TMEM119: variants seen among roughly 807,000 people sequenced by gnomAD.
The protein encoded by TMEM119 is osteoblast induction factor.
For missense variants in TMEM119, 410 were observed against 381.0 expected (o/e 1.08, Z -0.63); for synonymous variants, 182 against 176.4 (o/e 1.03, Z -0.25).
At chr12:108,595,289 C>A (rs1355154769) in intron 1 of TMEM119, among the ~76,000 whole-genome samples, 3 of 150,908 alleles carry the variant, frequency 2.0e-5, no homozygotes, top group Admixed American at 6.6e-5. Flanking sequence ...CATACACACC[C>A]CACACATAAT....
At chr12:108,597,689 G>A (rs2031527830) in intron 1 of TMEM119, among the ~76,000 whole-genome samples, 1 of 151,832 alleles carries the variant, frequency 6.6e-6, no homozygotes, top group Non-Finnish European at 1.5e-5. Flanking sequence ...CACAGATCCT[G>A]GAAGCAACAG....
rs545202850 is a variant in TMEM119, at chr12:108,590,088, C to G, written c.*1444G>C. On this transcript the variant is annotated 3_prime_UTR_variant, in exon 2 of 2. Coordinates refer to ENST00000392806, the MANE Select transcript of TMEM119 (RefSeq NM_181724.3). ...GGCCCCCCTGCTCCAGGCTGGGCGT[C>G]AGAAACCCTTCCCCAGCCCCTCGGA... The G allele has an allele frequency of 1.3e-5, 2 of 152,368 alleles. No homozygotes were observed. The highest frequency in any genetic ancestry group is 3.9e-4 in the East Asian group (2 of 5,150). 9.4% of individuals were successfully genotyped at this position (152,368 alleles called of 1,614,324 possible).
At chr12:108,596,735 C>T (rs2031510655) in intron 1 of TMEM119, among the ~76,000 whole-genome samples, 2 of 152,244 alleles carry the variant, frequency 1.3e-5, no homozygotes, top group African/African-American at 4.8e-5. Flanking sequence ...TTCTGCCTAC[C>T]TCCCCCCGGA....
rs993977276 is a variant in TMEM119, at chr12:108,592,418, G to GAGAAGTC, written c.-14-28_-14-22dup. On this transcript the variant is annotated intron_variant, in intron 1 of 1. Coordinates refer to ENST00000392806, the MANE Select transcript of TMEM119 (RefSeq NM_181724.3). This position sits in a 1 kb window ranked among gnomAD's most constrained non-coding sequence, Gnocchi z 4.3. The stretch of plus-strand genomic sequence containing the variant: ...AGGACCTGTGAGACAGGAGGGAGGA[G>GAGAAGTC]AGAAGTCATGGCGGAACTCTAGAGT... The GAGAAGTC allele has an allele frequency of 2.0e-6, 3 of 1,525,078 alleles. No individual in the cohort carries two copies. In the African/African-American group the frequency reaches 4.1e-5, roughly 21 times the overall value. The allele number at this position is 1,525,078 out of a possible 1,614,324, so 94.5% of individuals were successfully genotyped here.
chr12:108,594,550 C>CAAAAAAAAAAAAAAAAAA (rs60142479), intron 1 of TMEM119: 6 of 102,804 alleles, frequency 5.8e-5, no homozygotes, highest in African/African-American at 1.7e-4. Flanking sequence ...AAGAACCTGT[C>CAAAAAAAAAAAAAAAAAA]AAAAAAAAAA....
In TMEM119 at chr12:108,591,691, C is replaced by A. The variant is rs773820751; in HGVS notation, c.693G>T (p.Ala231=). ...GGACCCCTGAGCACGGCTCCTCCTGCGCCTCTGGTGTCTCCACTGGGACCC... is the reference window on the plus strand; with the variant it reads ...GGACCCCTGAGCACGGCTCCTCCTGAGCCTCTGGTGTCTCCACTGGGACCC... ...GHGVPVETPE[A]QEEPCSGVLE... is the part of the protein sequence containing the mutation. The change falls in exon 2 of 2, where the codon GCG becomes GCT. Residue 231 remains alanine, a synonymous_variant. Coordinates refer to ENST00000392806, the MANE Select transcript of TMEM119 (RefSeq NM_181724.3). The surrounding 1 kb of genome is among the most constrained non-coding windows in gnomAD (Gnocchi z 4.2). 3.7e-6 allele frequency: 6 copies of A among 1,613,800 alleles called. No individual in the cohort carries two copies. The highest frequency in any genetic ancestry group is 5.1e-6 in the Non-Finnish European group (6 of 1,179,884).
chr12:108,591,913 G>A lies in TMEM119; in HGVS notation c.471C>T (p.Ala157=). ...PRAFSEVPDR[A]PDSRPEEALD... ...GGGCTTCCTCGGGCCTGCTGTCGGGGGCTCTGTCGGGGACCTCACTGAAGG... is the reference window on the plus strand; with the variant it reads ...GGGCTTCCTCGGGCCTGCTGTCGGGAGCTCTGTCGGGGACCTCACTGAAGG... Residue 157 remains alanine (A), a synonymous_variant, in exon 2 of 2, where the codon GCC becomes GCT. Transcript: ENST00000392806. The surrounding 1 kb of genome is among the most constrained non-coding windows in gnomAD (Gnocchi z 4.2). 6.2e-7 allele frequency: 1 copy of A among 1,613,208 alleles called. No homozygotes were observed. The highest frequency in any genetic ancestry group is 8.5e-7 in the Non-Finnish European group (1 of 1,179,748).
At chr12:108,597,254 G>T (rs944854406) in intron 1 of TMEM119, among the ~76,000 whole-genome samples, 1 of 152,116 alleles carries the variant, frequency 6.6e-6, no homozygotes, top group Non-Finnish European at 1.5e-5. Context: ...GGGACCGGGG[G>T]CTGCCCCACC....
intron 1 of TMEM119, among the ~76,000 whole-genome samples, chr12:108,593,750 A>G (rs929945928): frequency 6.6e-6 from 1 of 152,234 alleles, no homozygotes; most frequent in Admixed American, 6.5e-5. Context: ...AGCCCGGCTG[A>G]TGAATTAATT....
chr12:108,590,742 T>G lies in TMEM119; in HGVS notation c.*790A>C, dbSNP rs1450833870. ...CGTAGAGTGCCTCGGGGAACCTAGT[T>G]TGGGAAATGCTCATTTAGGGACCTG... On this transcript the variant is annotated 3_prime_UTR_variant, in exon 2 of 2. Coordinates refer to ENST00000392806, the MANE Select transcript of TMEM119 (RefSeq NM_181724.3). 6.6e-6 allele frequency: 1 copy of G among 152,132 alleles called. No individual in the cohort carries two copies. Among genetic ancestry groups the G allele is most frequent in the Non-Finnish European group, 1.5e-5 (1 of 68,036 alleles). The allele number at this position is 152,132 out of a possible 1,614,324, so 9.4% of individuals were successfully genotyped here.
Position 108,591,545 on chromosome 12 carries a change from T to C in TMEM119, c.839A>G (p.His280Arg). The part of the protein sequence containing the change: ...PESPCACSSV[H>R]PSV Reference sequence around the variant, plus strand: ...CCGGGAGGACTGTTAGACACTGGGGTGGACACTGCTGCAAGCACAGGGGCT... The same window carrying C: ...CCGGGAGGACTGTTAGACACTGGGGCGGACACTGCTGCAAGCACAGGGGCT... The change falls in exon 2 of 2, where the codon CAC becomes CGC. Residue 280 changes from histidine to arginine, a missense_variant. His to Arg is a conservative substitution (Grantham distance 29). Coordinates refer to ENST00000392806, the MANE Select transcript of TMEM119 (RefSeq NM_181724.3). This position sits in a 1 kb window ranked among gnomAD's most constrained non-coding sequence, Gnocchi z 4.2. 6.2e-7 allele frequency: 1 copy of C among 1,605,314 alleles called. No individual in the cohort carries two copies. The highest frequency in any genetic ancestry group is 1.3e-5 in the African/African-American group (1 of 74,736).
rs1201888636 is a variant in TMEM119 at position 108,590,812 on chromosome 12, C to T, written c.*720G>A. 2 of 152,176 alleles carry T rather than the reference C, an allele frequency of 1.3e-5. No homozygotes were observed. Among genetic ancestry groups the T allele is most frequent in the African/African-American group, 2.4e-5 (1 of 41,404 alleles). 9.4% of individuals were successfully genotyped at this position (152,176 alleles called of 1,614,324 possible). On this transcript the variant is annotated 3_prime_UTR_variant, in exon 2 of 2. Coordinates refer to ENST00000392806, the MANE Select transcript of TMEM119 (RefSeq NM_181724.3). ...CCTCTCACAGAAGTGTCCTAATTAACCACACACACTTCTGCTGCTGGAGCT... is the reference window on the plus strand; with the variant it reads ...CCTCTCACAGAAGTGTCCTAATTAATCACACACACTTCTGCTGCTGGAGCT...
rs530885111 is a variant in TMEM119 at position 108,597,663 on chromosome 12, G to A, written c.-15+307C>T. On this transcript the variant is annotated intron_variant, in intron 1 of 1. Coordinates refer to ENST00000392806, the MANE Select transcript of TMEM119 (RefSeq NM_181724.3). ...CGATCCCTGCACACAGGACAATACC[G>A]TCCACATCACCCTCACACAGATCCT... 7.4e-4 allele frequency among the ~76,000 whole-genome samples: 113 copies of A among 151,704 alleles called. 1 individual carries two copies. Among genetic ancestry groups the A allele is most frequent in the African/African-American group, 2.0e-3 (84 of 41,324 alleles).
chr12:108,596,575 G>A (rs6539446), intron 1 of TMEM119, among the ~76,000 whole-genome samples: 25,720 of 152,198 alleles, frequency 0.17, 2,327 homozygotes, highest in South Asian at 0.28. Flanking sequence ...GGGAAAGGTG[G>A]GGGCAACGTA....
intron 1 of TMEM119, among the ~76,000 whole-genome samples, chr12:108,593,997 G>T (rs1182656234): frequency 7.2e-5 from 11 of 152,200 alleles, no homozygotes; most frequent in Admixed American, 7.2e-4. Context: ...CTGAGGTGGA[G>T]AGACAGAGGC....
chr12:108,595,007 T>C (rs2031480963), intron 1 of TMEM119, among the ~76,000 whole-genome samples: 2 of 152,146 alleles, frequency 1.3e-5, no homozygotes. Context: ...GCCCTTTTCA[T>C]GCCTTTAATC....
chr12:108,593,154 T>C (rs1464425924), intron 1 of TMEM119, among the ~76,000 whole-genome samples: 2 of 151,976 alleles, frequency 1.3e-5, no homozygotes, highest in African/African-American at 4.8e-5. Context: ...TGCAAAAGAT[T>C]CCTAGCAGGG....
At position 108,591,390 on chromosome 12, in the gene TMEM119, G is replaced by C; in HGVS notation, c.*142C>G. Reference sequence around the variant, plus strand: ...GGGACCAGCATTTCTGCCTGCTGTAGAATCAGCACATGCTGGGATTGGCAC... The same window carrying C: ...GGGACCAGCATTTCTGCCTGCTGTACAATCAGCACATGCTGGGATTGGCAC... On this transcript the variant is annotated 3_prime_UTR_variant, in exon 2 of 2. Coordinates refer to ENST00000392806, the MANE Select transcript of TMEM119 (RefSeq NM_181724.3). The surrounding 1 kb of genome is among the most constrained non-coding windows in gnomAD (Gnocchi z 4.2). 1 of 992,790 alleles carries C rather than the reference G, an allele frequency of 1.0e-6. No individual in the cohort carries two copies. Among genetic ancestry groups the C allele is most frequent in the Admixed American group, 2.6e-5 (1 of 38,308 alleles). 61.5% of individuals were successfully genotyped at this position (992,790 alleles called of 1,614,324 possible).
Position 108,591,501 on chromosome 12 carries a change from G to A in TMEM119, c.*31C>T, listed in dbSNP as rs906286847. Reference sequence around the variant, plus strand: ...CGGGGAGGTGACCACTTGGGGGCCCGACAGTCAGGGCTGGCAGCCCGGGAG... The same window carrying A: ...CGGGGAGGTGACCACTTGGGGGCCCAACAGTCAGGGCTGGCAGCCCGGGAG... On this transcript the variant is annotated 3_prime_UTR_variant, in exon 2 of 2. Transcript: ENST00000392806. This position sits in a 1 kb window ranked among gnomAD's most constrained non-coding sequence, Gnocchi z 4.2. The A allele has an allele frequency of 1.7e-5, 26 of 1,541,486 alleles. No individual in the cohort carries two copies. Among genetic ancestry groups the A allele is most frequent in the African/African-American group, 1.1e-4 (8 of 72,618 alleles).
Sources: gnomAD v4.1 joint callset for allele counts (sites outside exome capture counted in the v4.1 genomes callset) on GRCh38, gnomAD v4.1.1 for gene constraint, Gnocchi (gnomAD v3.1) non-coding constraint, MANE v1.5 for transcripts, NCBI Gene and HGNC (gene_info 2026-07-23, HGNC 2026-07-21) for gene names.